Variants in CDC27 observed in about 807,000 individuals in gnomAD.
CDC27 encodes cell division cycle protein 27 homolog.
A neutral mutation model predicts 109.7 loss-of-function variants in CDC27; 27 were observed. That is an observed-to-expected ratio of 0.25 (90% CI 0.18 to 0.34). CDC27 has a LOEUF of 0.34. Among genes scored for constraint, CDC27 ranks in the 10% least tolerant of loss-of-function variants. The pLI is 1.00. For missense variants in CDC27, 579 were observed against 960.2 expected (o/e 0.60, Z 5.25); for synonymous variants, 266 against 333.9 (o/e 0.80, Z 2.22).
At chr17:47,121,516 C>T (rs1167085789) in intron 18 of CDC27, among the ~76,000 whole-genome samples, 1 of 152,170 alleles carries the variant, frequency 6.6e-6, no homozygotes, top group Non-Finnish European at 1.5e-5. Flanking sequence ...TAGCTCACTG[C>T]AGCCTCAAAC....
intron 4 of CDC27, among the ~76,000 whole-genome samples, chr17:47,169,315 G>A (rs1343848981): frequency 1.3e-5 from 2 of 151,816 alleles, no homozygotes; most frequent in Admixed American, 1.3e-4. Context: ...CTCCTCAGTG[G>A]ATCACATAAA....
At chr17:47,147,424 CA>C (rs748165922) in intron 9 of CDC27, among the ~76,000 whole-genome samples, 2,392 of 96,790 alleles carry the variant, frequency 0.025, 52 homozygotes, top group African/African-American at 0.08. Context: ...AACAAACAAA[CA>C]AACAAAAAAA....
rs115199788 is a variant in CDC27, at chr17:47,181,561, C to A, written c.103+1G>T. 6.4e-7 allele frequency: 1 copy of A among 1,570,928 alleles called. No individual in the cohort carries two copies. On this transcript the variant is annotated splice_donor_variant, in intron 2 of 18. Transcript: ENST00000066544. LOFTEE classifies it high-confidence loss of function. ...TCTACAGCAATGAATAGATTTCAAA[C>A]CTTCTGCATAAAGGCGTTCTGCGAG...
chr17:47,180,700 G>A (rs1425814526), intron 2 of CDC27, among the ~76,000 whole-genome samples: 2 of 151,782 alleles, frequency 1.3e-5, no homozygotes, highest in Admixed American at 6.6e-5. Context: ...CATTATCAGT[G>A]GTGTTTATTA....
chr17:47,127,779 T>C (rs1179864272), intron 16 of CDC27, among the ~76,000 whole-genome samples: 1 of 152,028 alleles, frequency 6.6e-6, no homozygotes, highest in African/African-American at 2.4e-5. Context: ...AACAGCTCAC[T>C]GCAACCTCCG....
intron 4 of CDC27, among the ~76,000 whole-genome samples, chr17:47,163,234 A>C (rs1334343339): frequency 6.6e-6 from 1 of 151,978 alleles, no homozygotes; most frequent in East Asian, 1.9e-4. Flanking sequence ...GACAAAAAAA[A>C]GTCTATACTG....
chr17:47,166,995 C>T (rs2063668408), intron 4 of CDC27, among the ~76,000 whole-genome samples: 1 of 152,170 alleles, frequency 6.6e-6, no homozygotes, highest in Admixed American at 6.5e-5. Flanking sequence ...GCTGAGATTA[C>T]AGACGTGCAC....
intron 15 of CDC27, among the ~76,000 whole-genome samples, chr17:47,130,314 C>A (rs1394410004): frequency 6.6e-6 from 1 of 151,672 alleles, no homozygotes; most frequent in Non-Finnish European, 1.5e-5. Context: ...GAGCCAAGAT[C>A]GCGCCACTGC....
At chr17:47,178,971 T>C (rs1479727163) in intron 2 of CDC27, among the ~76,000 whole-genome samples, 1 of 152,164 alleles carries the variant, frequency 6.6e-6, no homozygotes, top group African/African-American at 2.4e-5. Context: ...CCGGCTAATT[T>C]TGTATTTTTT....
intron 2 of CDC27, among the ~76,000 whole-genome samples, chr17:47,176,319 T>C (rs1386619343): frequency 6.6e-6 from 1 of 152,224 alleles, no homozygotes; most frequent in African/African-American, 2.4e-5. Flanking sequence ...TCATTTCTAC[T>C]GTTGAACATT....
chr17:47,124,652 G>A (rs993265239), intron 16 of CDC27, among the ~76,000 whole-genome samples: 1 of 152,174 alleles, frequency 6.6e-6, no homozygotes, highest in Non-Finnish European at 1.5e-5. Context: ...ATTGAGAAGA[G>A]TGGCATTAAC....
At chr17:47,157,450 G>T in intron 5 of CDC27, 66 bp from the exon 6 acceptor site, 1 of 1,246,114 alleles carries the variant, frequency 8.0e-7, no homozygotes, top group Non-Finnish European at 1.1e-6. Context: ...TTTCAAGTAT[G>T]CATAAATCAG....
chr17:47,151,479 G>A (rs1417776170), intron 9 of CDC27, among the ~76,000 whole-genome samples: 3 of 152,152 alleles, frequency 2.0e-5, no homozygotes, highest in Admixed American at 6.5e-5. Context: ...TCTGTTTATA[G>A]ACATGCATAA....
intron 4 of CDC27, among the ~76,000 whole-genome samples, chr17:47,166,490 T>C (rs958095607): frequency 1.3e-5 from 2 of 152,162 alleles, no homozygotes; most frequent in Non-Finnish European, 2.9e-5. Flanking sequence ...AATGGTGTTC[T>C]CTCTCTTTCT....
intron 16 of CDC27, among the ~76,000 whole-genome samples, chr17:47,124,288 C>CTATCTATCT (rs1420162389): frequency 1.8e-5 from 1 of 55,234 alleles, no homozygotes; most frequent in Non-Finnish European, 4.6e-5. Context: ...TCTATCTATT[C>CTATCTATCT]ATTTTTATTT....
At chr17:47,153,400 T>C (rs2148903859) in intron 8 of CDC27, among the ~76,000 whole-genome samples, 1 of 152,366 alleles carries the variant, frequency 6.6e-6, no homozygotes, top group Middle Eastern at 3.4e-3. Flanking sequence ...TGTTTTGCCT[T>C]CTTCATAACT....
chr17:47,174,854 G>A (rs1445783870), intron 2 of CDC27, among the ~76,000 whole-genome samples: 4 of 152,092 alleles, frequency 2.6e-5, no homozygotes, highest in African/African-American at 9.7e-5. Flanking sequence ...TACTCGGGAG[G>A]CTGAGGCAGA....
At chr17:47,189,024 G>C (rs1029234838) in intron 1 of CDC27, 122 bp downstream of exon 1, 24 of 1,504,596 alleles carry the variant, frequency 1.6e-5, no homozygotes, top group South Asian at 2.3e-5. Flanking sequence ...GGCAGGACAC[G>C]GCAGCAGGGG....
intron 14 of CDC27, among the ~76,000 whole-genome samples, chr17:47,133,684 C>T (rs1445600677): frequency 7.3e-5 from 11 of 150,692 alleles, no homozygotes; most frequent in Non-Finnish European, 1.3e-4. Context: ...GTGATCCGCC[C>T]GCCTCGGCCT....
Sources: allele counts gnomAD v4.1 joint callset (sites outside exome capture counted in the v4.1 genomes callset), GRCh38; gene constraint gnomAD v4.1.1; transcripts MANE v1.5; gene names NCBI Gene and HGNC (gene_info 2026-07-23, HGNC 2026-07-21).